The following RAD51B variants were observed in gnomAD, a reference collection of about 807,000 sequenced individuals.
RAD51B encodes DNA repair protein RAD51 homolog 2.
RAD51B carries 38 observed loss-of-function variants against 42.2 expected under a neutral mutation model. That is an observed-to-expected ratio of 0.90 (90% CI 0.70 to 1.18). The LOEUF (loss-of-function observed/expected upper bound fraction) is 1.18, where lower values mean the gene tolerates loss of function less well. Among genes scored for constraint, RAD51B ranks in the 50% most tolerant of loss-of-function variants. The probability of loss-of-function intolerance (pLI) is 0.00; values close to 1 mark genes in which losing one functional copy is unlikely to be tolerated. For synonymous variants in RAD51B, 154 were observed against 145.2 expected (o/e 1.06, Z -0.43); for missense variants, 373 against 400.7 (o/e 0.93, Z 0.59).
At chr14:67,873,578 C>T (rs1434518682) in intron 5 of RAD51B, among the ~76,000 whole-genome samples, 6 of 151,922 alleles carry the variant, frequency 3.9e-5, no homozygotes, top group Non-Finnish European at 7.4e-5. Flanking sequence ...CCCAGCCATC[C>T]AATTACTGGG....
At chr14:68,014,301 C>A (rs1311857130) in intron 7 of RAD51B, among the ~76,000 whole-genome samples, 1 of 148,576 alleles carries the variant, frequency 6.7e-6, no homozygotes, top group Non-Finnish European at 1.5e-5. Flanking sequence ...GTTGATTCTG[C>A]TTTGGAGATT....
chr14:68,345,320 A>G (rs998858835), intron 8 of RAD51B, among the ~76,000 whole-genome samples: 2 of 152,198 alleles, frequency 1.3e-5, no homozygotes, highest in African/African-American at 4.8e-5. Flanking sequence ...TGTCCCCTCC[A>G]AATCTCATGT....
chr14:67,908,749 G>A lies in RAD51B; in HGVS notation c.756+21545G>A, dbSNP rs546278978. The A allele has an allele frequency of 5.3e-5, 8 of 152,278 alleles. No individual in the cohort carries two copies. In the South Asian group the frequency reaches 1.7e-3, roughly 32 times the overall value. 9.4% of individuals were successfully genotyped at this position (152,278 alleles called of 1,614,324 possible). The stretch of plus-strand genomic sequence containing the variant: ...TTAAACAAATGGTTCTTGAGCATTT[G>A]TGATGTCTTGGACTCAGTTCTATGA... On this transcript the variant is annotated intron_variant, in intron 7 of 10. Transcript: ENST00000471583.
At chr14:68,322,697 G>A (rs2082177845) in intron 8 of RAD51B, among the ~76,000 whole-genome samples, 1 of 152,158 alleles carries the variant, frequency 6.6e-6, no homozygotes. Context: ...CCTCACAGAT[G>A]CACTCTGTGG....
In RAD51B at chr14:68,085,677, G is replaced by A. The variant is rs2076972695; in HGVS notation, c.756+198473G>A. 2.6e-5 allele frequency among the ~76,000 whole-genome samples: 4 copies of A among 152,212 alleles called. No homozygotes were observed. The South Asian group carries it at 8.3e-4, about 32-fold the overall frequency. On this transcript the variant is annotated intron_variant, in intron 7 of 10. Coordinates refer to ENST00000471583, the MANE Select transcript of RAD51B (RefSeq NM_133510.4). Reference sequence around the variant, plus strand: ...GGAGTTCAGTAAATTTGGTTAAAGAGTTAAGTGGGAGGTGATTGGATAGGA... The same window carrying A: ...GGAGTTCAGTAAATTTGGTTAAAGAATTAAGTGGGAGGTGATTGGATAGGA...
intron 10 of RAD51B, among the ~76,000 whole-genome samples, chr14:68,523,579 A>C (rs970836702): frequency 6.6e-6 from 1 of 152,162 alleles, no homozygotes; most frequent in Non-Finnish European, 1.5e-5. Flanking sequence ...TGGATAGAGG[A>C]GCTTTCTCTT....
At chr14:68,389,880 C>G (rs74544219) in intron 8 of RAD51B, among the ~76,000 whole-genome samples, 9,143 of 152,162 alleles carry the variant, frequency 0.06, 924 homozygotes, top group African/African-American at 0.21. Context: ...CCAAGTTGGG[C>G]CTCTTGTTTC....
chr14:67,918,383 C>T (rs920016708), intron 7 of RAD51B, among the ~76,000 whole-genome samples: 1 of 152,034 alleles, frequency 6.6e-6, no homozygotes, highest in Non-Finnish European at 1.5e-5. Flanking sequence ...TGTGGGCATG[C>T]ACCATCACAC....
At chr14:68,640,416 T>A (rs1001120929) in intron 10 of RAD51B, among the ~76,000 whole-genome samples, 1 of 152,168 alleles carries the variant, frequency 6.6e-6, no homozygotes, top group African/African-American at 2.4e-5. Flanking sequence ...GGGTTAGGAG[T>A]AATCCACTTC....
At chr14:68,178,049 A>G (rs1377371971) in intron 7 of RAD51B, among the ~76,000 whole-genome samples, 1 of 152,030 alleles carries the variant, frequency 6.6e-6, no homozygotes, top group Non-Finnish European at 1.5e-5. Context: ...TGCCCTCTTC[A>G]TTTTGCAGTA....
At chr14:68,465,561 T>A (rs916278981) in intron 9 of RAD51B, among the ~76,000 whole-genome samples, 2 of 152,196 alleles carry the variant, frequency 1.3e-5, no homozygotes, top group African/African-American at 4.8e-5. Context: ...ACAGGACCCA[T>A]AGGTGATGCA....
At chr14:68,201,488 G>T (rs2079484504) in intron 7 of RAD51B, among the ~76,000 whole-genome samples, 1 of 152,220 alleles carries the variant, frequency 6.6e-6, no homozygotes, top group Admixed American at 6.5e-5. Flanking sequence ...AACAGGGACA[G>T]GTCTGGTATC....
intron 9 of RAD51B, among the ~76,000 whole-genome samples, chr14:68,447,184 C>T (rs1472126878): frequency 6.6e-6 from 1 of 152,178 alleles, no homozygotes; most frequent in African/African-American, 2.4e-5. Context: ...TGCTACTGCA[C>T]TCCAGCCTGG....
intron 7 of RAD51B, among the ~76,000 whole-genome samples, chr14:67,939,217 C>A (rs901168742): frequency 2.0e-5 from 3 of 152,028 alleles, no homozygotes; most frequent in Non-Finnish European, 4.4e-5. Context: ...CCCCTGCCCC[C>A]CTCCATGTGG....
At position 67,886,139 on chromosome 14, in the gene RAD51B, TTGAA is replaced by T. The variant is rs2140052441; in HGVS notation, c.572+152_572+155del. On this transcript the variant is annotated intron_variant, in intron 6 of 10. Coordinates refer to ENST00000471583, the MANE Select transcript of RAD51B (RefSeq NM_133510.4). ...GTTCTTCTTTGTTATAGCCTTTTGGTTGAAGTCTTTCTTGAAAAACAAAAAAAAT... is the reference window on the plus strand; with the variant it reads ...GTTCTTCTTTGTTATAGCCTTTTGGTGTCTTTCTTGAAAAACAAAAAAAAT... 8.6e-6 allele frequency: 5 copies of T among 582,940 alleles called. No individual in the cohort carries two copies. The East Asian group carries it at 1.5e-4, about 18-fold the overall frequency. 36.1% of individuals were successfully genotyped at this position (582,940 alleles called of 1,614,324 possible).
chr14:68,633,620 C>A (rs552854917), intron 10 of RAD51B, among the ~76,000 whole-genome samples: 4 of 152,226 alleles, frequency 2.6e-5, no homozygotes, highest in African/African-American at 9.6e-5. Flanking sequence ...CTATTGTTCG[C>A]TTTCTTGTTT....
intron 8 of RAD51B, among the ~76,000 whole-genome samples, chr14:68,311,967 C>G (rs1336047124): frequency 1.3e-5 from 2 of 152,172 alleles, no homozygotes; most frequent in Admixed American, 1.3e-4. Flanking sequence ...CAAACAGACC[C>G]ATTGAAACTC....
At chr14:68,306,268 A>G (rs1236314917) in intron 8 of RAD51B, among the ~76,000 whole-genome samples, 2 of 152,204 alleles carry the variant, frequency 1.3e-5, no homozygotes, top group African/African-American at 4.8e-5. Context: ...AGGAGATTGC[A>G]ATTCACAAGT....
intron 7 of RAD51B, among the ~76,000 whole-genome samples, chr14:68,291,656 C>T (rs2081519049): frequency 6.6e-6 from 1 of 152,194 alleles, no homozygotes; most frequent in Non-Finnish European, 1.5e-5. Context: ...TGAAAAAAGT[C>T]AGTCTATTTC....
Sources: allele counts gnomAD v4.1 joint callset (sites outside exome capture counted in the v4.1 genomes callset), GRCh38; gene constraint gnomAD v4.1.1; transcripts MANE v1.5; gene names NCBI Gene and HGNC (gene_info 2026-07-23, HGNC 2026-07-21).